ROR1: variants seen among roughly 807,000 people sequenced by gnomAD.
The protein encoded by ROR1 is ROR family WNT receptor 1.
Under a neutral mutation model 78.8 loss-of-function variants are expected in ROR1, and 19 were observed. That is an observed-to-expected ratio of 0.24 (90% CI 0.17 to 0.35). ROR1 has a LOEUF of 0.35. Among genes scored for constraint, ROR1 ranks in the 10% least tolerant of loss-of-function variants. The pLI, the probability that ROR1 is intolerant of heterozygous loss-of-function variation, is 1.00. For synonymous variants in ROR1, 386 were observed against 433.6 expected (o/e 0.89, Z 1.36); for missense variants, 917 against 1,177.8 (o/e 0.78, Z 3.24).
At chr1:63,865,693 T>A (rs1645210980) in intron 1 of ROR1, among the ~76,000 whole-genome samples, 1 of 152,208 alleles carries the variant, frequency 6.6e-6, no homozygotes, top group Admixed American at 6.5e-5. Flanking sequence ...TTATTGATTG[T>A]CATCATCATC....
intron 1 of ROR1, among the ~76,000 whole-genome samples, chr1:63,823,964 T>A (rs1644938895): frequency 6.6e-6 from 1 of 152,096 alleles, no homozygotes; most frequent in South Asian, 2.1e-4. Flanking sequence ...GCCAGGCTGG[T>A]CTTGAACTCC....
chr1:64,041,892 C>T (rs1031734812), intron 2 of ROR1, among the ~76,000 whole-genome samples: 2 of 152,110 alleles, frequency 1.3e-5, no homozygotes, highest in East Asian at 1.9e-4. Context: ...TGTGCCACCT[C>T]GGTACTTAAC....
chr1:64,172,532 G>A (rs531249496), intron 8 of ROR1, among the ~76,000 whole-genome samples: 6 of 152,192 alleles, frequency 3.9e-5, no homozygotes, highest in East Asian at 1.9e-4. Context: ...ATAATAAACC[G>A]AGGCCATCTT....
Position 63,906,364 on chromosome 1 carries a change from G to A in ROR1, c.92-102941G>A, listed in dbSNP as rs186054507. Among the ~76,000 whole-genome samples, 314 of 152,286 alleles carry A rather than the reference G, an allele frequency of 2.1e-3. 1 individual carries two copies. Among genetic ancestry groups the A allele is most frequent in the African/African-American group, 7.4e-3 (306 of 41,560 alleles). On this transcript the variant is annotated intron_variant, in intron 1 of 8. Coordinates refer to ENST00000371079, the MANE Select transcript of ROR1 (RefSeq NM_005012.4). ...ATCTGGTTTCACCTCAGAAGCGCAC[G>A]TGCTATCAAGATTTGTGTGTATGTG...
At chr1:64,028,569 T>C (rs1211100623) in intron 2 of ROR1, among the ~76,000 whole-genome samples, 1 of 152,226 alleles carries the variant, frequency 6.6e-6, no homozygotes, top group Non-Finnish European at 1.5e-5. Context: ...ATTAGATTTT[T>C]GTTCTTGGCA....
chr1:63,885,899 C>T (rs1291951195), intron 1 of ROR1, among the ~76,000 whole-genome samples: 5 of 152,088 alleles, frequency 3.3e-5, no homozygotes, highest in Non-Finnish European at 7.4e-5. Flanking sequence ...AAGCACATTA[C>T]GTTTATTTTG....
chr1:64,041,432 TA>T (rs1646744903), intron 2 of ROR1, among the ~76,000 whole-genome samples: 1 of 152,166 alleles, frequency 6.6e-6, no homozygotes, highest in African/African-American at 2.4e-5. Flanking sequence ...TGTCTATTTG[TA>T]AAAAAGACCT....
chr1:63,863,318 G>T (rs1465598094), intron 1 of ROR1, among the ~76,000 whole-genome samples: 1 of 152,168 alleles, frequency 6.6e-6, no homozygotes, highest in African/African-American at 2.4e-5. Flanking sequence ...ATAGATTCTG[G>T]CCTCTAAGGG....
In ROR1 at chr1:64,049,991, C is replaced by T. The variant is rs1206611353; in HGVS notation, c.451+13C>T. On this transcript the variant is annotated intron_variant, in intron 3 of 8. Coordinates refer to ENST00000371079, the MANE Select transcript of ROR1 (RefSeq NM_005012.4). ...TTTGTCAAGTTTGGTAAGCAGACCC[C>T]TACTGGGGATGGACTTTGGCCCTCA... is the stretch of plus-strand genomic sequence containing the variant. The T allele has an allele frequency of 1.2e-6, 2 of 1,613,550 alleles. No individual in the cohort carries two copies. The highest frequency in any genetic ancestry group is 1.3e-5 in the African/African-American group (1 of 75,034).
chr1:64,084,793 A>T (rs907637921), intron 4 of ROR1, among the ~76,000 whole-genome samples: 4 of 152,180 alleles, frequency 2.6e-5, no homozygotes, highest in African/African-American at 7.2e-5. Flanking sequence ...TTTGAAGTAT[A>T]ATTTGGGGAT....
At chr1:63,836,520 A>G (rs1645019661) in intron 1 of ROR1, among the ~76,000 whole-genome samples, 1 of 152,166 alleles carries the variant, frequency 6.6e-6, no homozygotes, top group Non-Finnish European at 1.5e-5. Context: ...GTTGATGAGT[A>G]TAAAAAGGCC....
At chr1:63,901,386 A>T (rs1266771273) in intron 1 of ROR1, among the ~76,000 whole-genome samples, 1 of 152,160 alleles carries the variant, frequency 6.6e-6, no homozygotes, top group Admixed American at 6.5e-5. Flanking sequence ...CATTATCCCC[A>T]GTTTACACAC....
At chr1:63,874,471 T>TAA (rs1645271030) in intron 1 of ROR1, among the ~76,000 whole-genome samples, 10 of 152,144 alleles carry the variant, frequency 6.6e-5, no homozygotes, top group Admixed American at 5.9e-4. Flanking sequence ...ATAGATCACT[T>TAA]GTCCAACTTT....
intron 1 of ROR1, among the ~76,000 whole-genome samples, chr1:63,927,547 C>T (rs1645715069): frequency 1.3e-5 from 1 of 79,080 alleles, no homozygotes; most frequent in Non-Finnish European, 2.7e-5. Context: ...AGAGGATTCC[C>T]TCTTTTTCTT....
intron 1 of ROR1, among the ~76,000 whole-genome samples, chr1:63,944,387 C>T (rs1009439498): frequency 3.3e-5 from 5 of 152,206 alleles, no homozygotes; most frequent in African/African-American, 1.2e-4. Context: ...GAGATCCAAT[C>T]GGCAGATAAT....
intron 4 of ROR1, among the ~76,000 whole-genome samples, chr1:64,091,146 C>T (rs1647193580): frequency 6.6e-6 from 1 of 152,120 alleles, no homozygotes; most frequent in South Asian, 2.1e-4. Flanking sequence ...TCCATTCTCA[C>T]ATGTGCAAGT....
chr1:63,790,392 G>A (rs1481131087), intron 1 of ROR1, among the ~76,000 whole-genome samples: 2 of 152,218 alleles, frequency 1.3e-5, no homozygotes, highest in Non-Finnish European at 1.5e-5. Context: ...TCTTCCAACA[G>A]TTGAGGAATC....
At chr1:63,851,224 A>G (rs1332637104) in intron 1 of ROR1, among the ~76,000 whole-genome samples, 1 of 152,110 alleles carries the variant, frequency 6.6e-6, no homozygotes, top group East Asian at 1.9e-4. Flanking sequence ...GTGATCCGCT[A>G]GCCTCGGCCT....
At chr1:63,805,200 C>A (rs1459936316) in intron 1 of ROR1, among the ~76,000 whole-genome samples, 1 of 152,132 alleles carries the variant, frequency 6.6e-6, no homozygotes, top group Non-Finnish European at 1.5e-5. Context: ...TGCAGACACA[C>A]AATAGGATAA....
Sources: allele counts gnomAD v4.1 joint callset (sites outside exome capture counted in the v4.1 genomes callset), GRCh38; gene constraint gnomAD v4.1.1; transcripts MANE v1.5; gene names NCBI Gene and HGNC (gene_info 2026-07-23, HGNC 2026-07-21).